Variants in GSE1 observed in about 807,000 individuals in gnomAD.
GSE1 encodes the protein genetic suppressor element 1.
A neutral mutation model predicts 112.6 loss-of-function variants in GSE1; 32 were observed. The ratio of observed to expected loss-of-function variants is 0.28; its 90% confidence interval spans 0.21 to 0.38. The LOEUF is 0.38. Among genes scored for constraint, GSE1 ranks in the 10% least tolerant of loss-of-function variants. The probability of loss-of-function intolerance (pLI) is 1.00; values close to 1 mark genes in which losing one functional copy is unlikely to be tolerated. For synonymous variants in GSE1, 1,115 were observed against 735.6 expected, an observed-to-expected ratio of 1.52 and a Z score of -8.35; for missense variants, 2,348 against 1,699.2, an observed-to-expected ratio of 1.38 and a Z score of -6.71.
At chr16:85,575,029 C>T (rs1380949645) in intron 1 of GSE1, among the ~76,000 whole-genome samples, 3 of 152,154 alleles carry the variant, frequency 2.0e-5, no homozygotes, top group Admixed American at 6.5e-5. Context: ...CGCTGGGGAG[C>T]GGCTCCCCGC....
At position 85,648,684 on chromosome 16, in the gene GSE1, C is replaced by A. The variant is rs2051085127; in HGVS notation, c.359C>A (p.Thr120Asn). 2.6e-6 allele frequency: 4 copies of A among 1,545,166 alleles called. No individual in the cohort carries two copies. Among genetic ancestry groups the A allele is most frequent in the Admixed American group, 1.7e-5 (1 of 57,250 alleles). Residue 120 changes from threonine (T) to asparagine (N), a missense_variant, in exon 3 of 16, where the codon ACC becomes AAC. By Grantham distance (65) the Thr-to-Asn change is moderately conservative (BLOSUM62 0). Transcript: ENST00000253458. ...CCTGGGGGCCACAGCGTGCCCAGCA[C>A]CCCCCCCGTGGTGACCATCGCTCCA... The part of the protein sequence containing the change: ...VPPGGHSVPS[T>N]PPVVTIAPTK...
intron 2 of GSE1, among the ~76,000 whole-genome samples, chr16:85,439,536 A>T (rs1056921615): frequency 1.6e-5 from 1 of 61,192 alleles, no homozygotes; most frequent in Admixed American, 2.4e-4. Flanking sequence ...ACGGTCTGTC[A>T]CACACACACA....
intron 11 of GSE1, among the ~76,000 whole-genome samples, chr16:85,664,053 C>A (rs2052642727): frequency 6.6e-6 from 1 of 152,272 alleles, no homozygotes; most frequent in African/African-American, 2.4e-5. Flanking sequence ...CAGGGCAGCA[C>A]ACACTGAGCA....
chr16:85,616,677 C>CGCCTGGCT (rs2151592060), intron 1 of GSE1, among the ~76,000 whole-genome samples: 2 of 152,058 alleles, frequency 1.3e-5, no homozygotes, highest in South Asian at 4.2e-4. Context: ...GAAGCCTGGC[C>CGCCTGGCT]GCCTGGCTTT....
At chr16:85,597,888 C>T (rs1208933368) in intron 1 of GSE1, among the ~76,000 whole-genome samples, 1 of 152,212 alleles carries the variant, frequency 6.6e-6, no homozygotes, top group Non-Finnish European at 1.5e-5. Flanking sequence ...CTTTGATCTT[C>T]TCTGCTGCTG....
At chr16:85,315,946 G>T (rs2045976943) in intron 1 of GSE1, among the ~76,000 whole-genome samples, 1 of 152,338 alleles carries the variant, frequency 6.6e-6, no homozygotes, top group East Asian at 1.9e-4. Flanking sequence ...GTGAAGGTGG[G>T]AGCAGGACCA....
chr16:85,305,265 G>A (rs2045645975), intron 1 of GSE1, among the ~76,000 whole-genome samples: 1 of 152,216 alleles, frequency 6.6e-6, no homozygotes, highest in African/African-American at 2.4e-5. Flanking sequence ...TCTGACGATG[G>A]ACCCTGGGCA....
intron 2 of GSE1, among the ~76,000 whole-genome samples, chr16:85,386,420 A>G (rs1012005961): frequency 6.6e-5 from 10 of 152,216 alleles, no homozygotes; most frequent in Admixed American, 5.9e-4. Flanking sequence ...ACAATAATAA[A>G]GATATGACGT....
At chr16:85,369,156 G>C (rs1386671380) in intron 2 of GSE1, among the ~76,000 whole-genome samples, 49 of 152,098 alleles carry the variant, frequency 3.2e-4, no homozygotes, top group Admixed American at 3.2e-3. Context: ...GGGAGAAACT[G>C]TTCCCTCATC....
chr16:85,554,459 T>G (rs867185817), upstream of GSE1, among the ~76,000 whole-genome samples: 2 of 152,126 alleles, frequency 1.3e-5, no homozygotes, highest in African/African-American at 4.8e-5. Flanking sequence ...TTAGGTCTAT[T>G]TGCCTGGAAG....
chr16:85,253,061 CCCCCCCCA>C (rs1906666189), intron 1 of GSE1, among the ~76,000 whole-genome samples: 1 of 47,824 alleles, frequency 2.1e-5, no homozygotes, highest in Non-Finnish European at 4.5e-5. Context: ...CGCCCCCGCC[CCCCCCCCA>C]CCCCCCCCCC....
chr16:85,241,875 G>T (rs943290415), intron 1 of GSE1, among the ~76,000 whole-genome samples: 7 of 151,930 alleles, frequency 4.6e-5, no homozygotes. Flanking sequence ...CCCTCCCCGG[G>T]CACCCCCAGC....
intron 2 of GSE1, among the ~76,000 whole-genome samples, chr16:85,384,274 G>A (rs769982042): frequency 2.0e-5 from 3 of 152,170 alleles, no homozygotes; most frequent in African/African-American, 4.8e-5. Context: ...TGCTCTGTGT[G>A]GGTGCGGCCG....
intron 1 of GSE1, among the ~76,000 whole-genome samples, chr16:85,556,545 G>C (rs2045223510): frequency 6.6e-6 from 1 of 151,430 alleles, no homozygotes; most frequent in African/African-American, 2.4e-5. Flanking sequence ...GGTGTGCGCG[G>C]CTACGTGCGG....
chr16:85,394,086 G>A (rs949786636), intron 2 of GSE1, among the ~76,000 whole-genome samples: 159 of 152,260 alleles, frequency 1.0e-3, no homozygotes, highest in African/African-American at 3.6e-3. Context: ...TGCTGGCTCC[G>A]GGTTGTTGAC....
upstream of GSE1, chr16:85,555,104 AGCC>A (rs907578368): frequency 1.9e-5 from 19 of 984,328 alleles, no homozygotes; most frequent in African/African-American, 3.5e-5. Context: ...AGACGGAAGG[AGCC>A]GCCGCCGCCG....
chr16:85,287,574 G>C (rs537879022), intron 1 of GSE1, among the ~76,000 whole-genome samples: 2 of 152,098 alleles, frequency 1.3e-5, no homozygotes, highest in African/African-American at 4.8e-5. Context: ...CCCTCTGCCT[G>C]GAATGCTTTC....
Position 85,486,778 on chromosome 16 carries a change from C to G in GSE1, c.2464+129135C>G, listed in dbSNP as rs111440356. ...AGGCTGTTCTCGGGGGTTCCCCCAG[C>G]CCCCCGTTCGTGGCTTGTGAGAAGA... is the stretch of plus-strand genomic sequence containing the variant. On this transcript the variant is annotated intron_variant, in intron 2 of 2. Transcript: ENST00000637419. Among the ~76,000 whole-genome samples, 1,095 of 152,306 alleles carry G rather than the reference C, an allele frequency of 7.2e-3. 16 individuals carry two copies. Among genetic ancestry groups the G allele is most frequent in the African/African-American group, 0.025 (1,045 of 41,572 alleles).
chr16:85,286,557 C>T (rs1487317672), intron 1 of GSE1, among the ~76,000 whole-genome samples: 1 of 152,196 alleles, frequency 6.6e-6, no homozygotes, highest in African/African-American at 2.4e-5. Flanking sequence ...GCCCGGAGGA[C>T]TGGGGACTGT....
Sources: gnomAD v4.1 joint callset for allele counts (sites outside exome capture counted in the v4.1 genomes callset) on GRCh38, gnomAD v4.1.1 for gene constraint, MANE v1.5 for transcripts, NCBI Gene and HGNC (gene_info 2026-07-23, HGNC 2026-07-21) for gene names.